The following CYRIA variants were observed in gnomAD, a reference collection of about 807,000 sequenced individuals.
CYRIA encodes the protein CYFIP-related Rac1 interactor A.
Under a neutral mutation model 43.9 loss-of-function variants are expected in CYRIA, and 15 were observed. The ratio of observed to expected loss-of-function variants is 0.34; its 90% CI spans 0.23 to 0.53. The LOEUF (loss-of-function observed/expected upper bound fraction) is 0.53, where lower values mean the gene tolerates loss of function less well. CYRIA is among the 20% of genes least tolerant of loss of function. CYRIA has a pLI of 0.94. For missense variants in CYRIA, 236 were observed against 394.2 expected, an observed-to-expected ratio of 0.60 and a Z score of 3.40; for synonymous variants, 117 against 136.0, an observed-to-expected ratio of 0.86 and a Z score of 0.97.
intron 2 of CYRIA, among the ~76,000 whole-genome samples, chr2:16,609,825 C>T (rs1033228924): frequency 6.6e-6 from 1 of 152,194 alleles, no homozygotes; most frequent in South Asian, 2.1e-4. Flanking sequence ...AAAAGAGGTT[C>T]TCAGATCAAC....
chr2:16,614,587 C>T (rs1330568146), intron 2 of CYRIA, among the ~76,000 whole-genome samples: 1 of 152,158 alleles, frequency 6.6e-6, no homozygotes, highest in Non-Finnish European at 1.5e-5. Context: ...ACTGTTTGGG[C>T]TATTTCTTCA....
intron 3 of CYRIA, among the ~76,000 whole-genome samples, chr2:16,568,003 A>G (rs58292855): frequency 0.034 from 5,143 of 152,146 alleles, 266 homozygotes; most frequent in African/African-American, 0.1. Flanking sequence ...AAACAAACAA[A>G]CCTGCTAGGT....
chr2:16,565,430 C>T (rs896708826), intron 4 of CYRIA, among the ~76,000 whole-genome samples: 18 of 152,200 alleles, frequency 1.2e-4, no homozygotes, highest in Admixed American at 1.2e-3. Flanking sequence ...AGGTGATCCA[C>T]CTGCCTCAGC....
rs1430186556 is a variant in CYRIA at position 16,561,080 on chromosome 2, G to A, written c.631-11C>T. On this transcript the variant is annotated splice_polypyrimidine_tract_variant and intron_variant, in intron 8 of 11. Coordinates refer to ENST00000381323, the MANE Select transcript of CYRIA (RefSeq NM_030797.4). ...TGGCAGAGTTTTGTTCTAAATGGGA[G>A]ACACAAATGTACATTAGTCCTGCTT... 1 of 1,613,166 alleles carries A rather than the reference G, an allele frequency of 6.2e-7. No homozygotes were observed. Among genetic ancestry groups the A allele is most frequent in the Non-Finnish European group, 8.5e-7 (1 of 1,179,358 alleles).
intron 3 of CYRIA, among the ~76,000 whole-genome samples, chr2:16,582,905 G>A (rs1456610723): frequency 6.6e-6 from 1 of 152,086 alleles, no homozygotes; most frequent in Non-Finnish European, 1.5e-5. Context: ...TCATATGGTA[G>A]CTTTATGTTT....
At chr2:16,559,132 A>T (rs913536360) in intron 10 of CYRIA, among the ~76,000 whole-genome samples, 4 of 152,184 alleles carry the variant, frequency 2.6e-5, no homozygotes, top group African/African-American at 9.6e-5. Context: ...TAGGACACAC[A>T]TAGAATAGAA....
chr2:16,600,860 G>A (rs570633615), intron 2 of CYRIA, among the ~76,000 whole-genome samples: 14 of 152,244 alleles, frequency 9.2e-5, no homozygotes, highest in Middle Eastern at 3.4e-3. Context: ...AAGGAGGTTC[G>A]AATGGCTAAA....
rs1355276912 is a variant in CYRIA, at chr2:16,552,652, C to T, written c.*284G>A. The T allele has an allele frequency of 6.6e-6, 2 of 302,732 alleles. No homozygotes were observed. The highest frequency in any genetic ancestry group is 1.0e-4 in the South Asian group (1 of 9,978). The allele number at this position is 302,732 out of a possible 1,614,324, so 18.8% of individuals were successfully genotyped here. On this transcript the variant is annotated 3_prime_UTR_variant, in exon 12 of 12. Transcript: ENST00000381323. ...CCACAAACAATTAGGAATTTTTTAT[C>T]GTTATAGATGTTGTTAAAGGACTCC...
intron 1 of CYRIA, among the ~76,000 whole-genome samples, chr2:16,661,791 C>G (rs1210722270): frequency 6.6e-6 from 1 of 152,168 alleles, no homozygotes; most frequent in Non-Finnish European, 1.5e-5. Flanking sequence ...CAGAACCTAG[C>G]TTTAAATTCT....
At position 16,551,314 on chromosome 2, in the gene CYRIA, A is replaced by G. The variant is rs2103393137; in HGVS notation, c.*1622T>C. 1 of 152,300 alleles carries G rather than the reference A, an allele frequency of 6.6e-6. No homozygotes were observed. Among genetic ancestry groups the G allele is most frequent in the African/African-American group, 2.4e-5 (1 of 41,568 alleles). The allele number at this position is 152,300 out of a possible 1,614,324, so 9.4% of individuals were successfully genotyped here. ...TGCAAATAATGCCAAACTCTGATGT[A>G]CTCAGACTCAACTTCTAGGATTATC... is the stretch of plus-strand genomic sequence containing the variant. On this transcript the variant is annotated 3_prime_UTR_variant, in exon 12 of 12. Coordinates refer to ENST00000381323, the MANE Select transcript of CYRIA (RefSeq NM_030797.4).
intron 5 of CYRIA, 80 bp downstream of exon 5, chr2:16,563,909 C>T (rs1315192160): frequency 2.1e-6 from 2 of 972,012 alleles, no homozygotes; most frequent in Non-Finnish European, 3.1e-6. Flanking sequence ...TTCCAATATG[C>T]CACGCTGTTC....
chr2:16,563,482 G>T (rs1296670114), intron 5 of CYRIA, among the ~76,000 whole-genome samples: 2 of 152,106 alleles, frequency 1.3e-5, no homozygotes, highest in Non-Finnish European at 2.9e-5. Context: ...CATATTGCTG[G>T]TCACATTGAT....
intron 2 of CYRIA, among the ~76,000 whole-genome samples, chr2:16,591,150 T>G (rs1183386162): frequency 6.6e-6 from 1 of 152,192 alleles, no homozygotes; most frequent in African/African-American, 2.4e-5. Context: ...AGAGCTTATT[T>G]TTTTATTATT....
intron 1 of CYRIA, among the ~76,000 whole-genome samples, chr2:16,627,320 C>T (rs554526104): frequency 7.4e-4 from 112 of 152,342 alleles, no homozygotes; most frequent in African/African-American, 2.6e-3. Flanking sequence ...CTTGTGCCCA[C>T]AGTTCACCAG....
At chr2:16,618,958 G>A (rs1668904009) in intron 2 of CYRIA, among the ~76,000 whole-genome samples, 1 of 152,196 alleles carries the variant, frequency 6.6e-6, no homozygotes, top group Non-Finnish European at 1.5e-5. Context: ...TGTGGAGAGG[G>A]TGATACACAG....
In CYRIA at chr2:16,552,945, C is replaced by G. The variant is rs955933629; in HGVS notation, c.963G>C (p.Met321Ile). 6.2e-7 allele frequency: 1 copy of G among 1,602,718 alleles called. No individual in the cohort carries two copies. Among genetic ancestry groups the G allele is most frequent in the Non-Finnish European group, 8.5e-7 (1 of 1,169,882 alleles). The change falls in exon 12 of 12, where the codon ATG becomes ATC. Residue 321 changes from methionine to isoleucine, a missense_variant. Around this residue, in one of 3 missense-constraint regions of CYRIA, gnomAD observed 40 missense variants for 62.2 expected, o/e 0.64. Transcript: ENST00000381323. ...DESTSKQIRA[M>I]LQ Reference sequence around the variant, plus strand: ...TTCTTTGAGCAGAGCTCTACTGAAGCATTGCTCGAATCTGTTTGGAAGTTG... The same window carrying G: ...TTCTTTGAGCAGAGCTCTACTGAAGGATTGCTCGAATCTGTTTGGAAGTTG...
At chr2:16,602,369 T>A (rs1415378893) in intron 2 of CYRIA, among the ~76,000 whole-genome samples, 1 of 152,178 alleles carries the variant, frequency 6.6e-6, no homozygotes, top group South Asian at 2.1e-4. Context: ...ATCCAATTTT[T>A]TTTTTGGCAA....
chr2:16,608,805 G>C (rs1462435833), intron 2 of CYRIA, among the ~76,000 whole-genome samples: 1 of 152,152 alleles, frequency 6.6e-6, no homozygotes, highest in Non-Finnish European at 1.5e-5. Flanking sequence ...TGCCCTTTTA[G>C]CAATAAATCC....
At chr2:16,616,181 C>T (rs541172221) in intron 2 of CYRIA, among the ~76,000 whole-genome samples, 2 of 152,226 alleles carry the variant, frequency 1.3e-5, no homozygotes, top group South Asian at 2.1e-4. Context: ...GGTGGGAACC[C>T]GCCACTTGAA....
Sources: allele counts gnomAD v4.1 joint callset (sites outside exome capture counted in the v4.1 genomes callset), GRCh38; gene constraint gnomAD v4.1.1; regional missense constraint gnomAD v4.1.1; transcripts MANE v1.5; gene names NCBI Gene and HGNC (gene_info 2026-07-23, HGNC 2026-07-21).